The following NPAS3 variants were observed in gnomAD, a reference collection of about 807,000 sequenced individuals.
NPAS3 encodes neuronal PAS domain protein 3.
A neutral mutation model predicts 73.1 loss-of-function variants in NPAS3; 14 were observed. The ratio of observed to expected loss-of-function variants is 0.19; its 90% CI spans 0.13 to 0.30. The LOEUF is 0.30. Ranked by LOEUF, NPAS3 falls within the 10% of genes least tolerant of loss-of-function variation. The probability of loss-of-function intolerance (pLI) is 1.00; values close to 1 mark genes in which losing one functional copy is unlikely to be tolerated. For synonymous variants in NPAS3, 620 were observed against 541.5 expected, an observed-to-expected ratio of 1.14 and a Z score of -2.01; for missense variants, 1,096 against 1,250.0, an observed-to-expected ratio of 0.88 and a Z score of 1.86.
At chr14:33,214,432 C>T (rs2047146431) in intron 2 of NPAS3, 1 of 152,144 alleles carries the variant, frequency 6.6e-6, no homozygotes, top group Admixed American at 6.5e-5. Context: ...AGCGCTTTAT[C>T]TTTCAATATT....
chr14:33,725,639 A>G (rs2061244505), intron 6 of NPAS3, among the ~76,000 whole-genome samples: 1 of 151,942 alleles, frequency 6.6e-6, no homozygotes, highest in Non-Finnish European at 1.5e-5. Context: ...ATCCTTTGCT[A>G]GTCTCCAGCT....
chr14:33,727,144 G>C (rs2061289543), intron 6 of NPAS3, among the ~76,000 whole-genome samples: 2 of 152,082 alleles, frequency 1.3e-5, no homozygotes, highest in Admixed American at 1.3e-4. Context: ...TGGAGATTTG[G>C]CCAGAATGTT....
At chr14:33,769,205 A>AATTATC (rs1056982554) in intron 7 of NPAS3, among the ~76,000 whole-genome samples, 2 of 152,154 alleles carry the variant, frequency 1.3e-5, no homozygotes, top group African/African-American at 4.8e-5. Flanking sequence ...TCTTGGTTTT[A>AATTATC]ATTATCACCT....
chr14:33,490,535 T>C (rs1189963394), intron 4 of NPAS3, among the ~76,000 whole-genome samples: 3 of 152,168 alleles, frequency 2.0e-5, no homozygotes, highest in Non-Finnish European at 4.4e-5. Context: ...TGGTTAGATA[T>C]TCCATATTTC....
At chr14:33,022,006 C>T (rs1223609076) in intron 1 of NPAS3, among the ~76,000 whole-genome samples, 1 of 152,120 alleles carries the variant, frequency 6.6e-6, no homozygotes, top group African/African-American at 2.4e-5. Context: ...TGGCTGAAGT[C>T]GCAGGCTGGA....
At chr14:33,783,312 C>A in intron 9 of NPAS3, among the ~76,000 whole-genome samples, 1 of 152,158 alleles carries the variant, frequency 6.6e-6, no homozygotes, top group East Asian at 1.9e-4. Flanking sequence ...CTGATCTCAG[C>A]CTTTCTTCAG....
intron 4 of NPAS3, among the ~76,000 whole-genome samples, chr14:33,391,114 C>G (rs951217804): frequency 2.8e-5 from 4 of 142,884 alleles, no homozygotes; most frequent in African/African-American, 1.0e-4. Flanking sequence ...TAGTGTAAAA[C>G]AAAAACAAAT....
At chr14:33,372,151 G>A (rs1454000623) in intron 4 of NPAS3, among the ~76,000 whole-genome samples, 1 of 152,164 alleles carries the variant, frequency 6.6e-6, no homozygotes, top group Non-Finnish European at 1.5e-5. Flanking sequence ...ATACCAGTGT[G>A]GAGTTCAGAA....
intron 3 of NPAS3, among the ~76,000 whole-genome samples, chr14:33,230,852 C>A (rs1237182902): frequency 3.3e-5 from 5 of 152,100 alleles, no homozygotes; most frequent in Non-Finnish European, 2.9e-5. Context: ...TATTTTTGCT[C>A]CAGTCAGAAT....
At chr14:33,248,738 C>T (rs888228172) in intron 3 of NPAS3, among the ~76,000 whole-genome samples, 1 of 152,158 alleles carries the variant, frequency 6.6e-6, no homozygotes, top group African/African-American at 2.4e-5. Flanking sequence ...TAGCTTTGAC[C>T]TTCTTCCTCT....
chr14:33,366,751 T>A (rs929962941), intron 3 of NPAS3, among the ~76,000 whole-genome samples: 1 of 152,180 alleles, frequency 6.6e-6, no homozygotes, highest in African/African-American at 2.4e-5. Flanking sequence ...TCCTGTTTGC[T>A]TTTTTCCTAG....
chr14:33,619,866 A>G (rs1300415177), intron 5 of NPAS3, among the ~76,000 whole-genome samples: 1 of 152,160 alleles, frequency 6.6e-6, no homozygotes, highest in Non-Finnish European at 1.5e-5. Context: ...ATCTTATCAC[A>G]TGGTGCCCCA....
At chr14:33,178,363 G>A (rs1283889546) in intron 2 of NPAS3, among the ~76,000 whole-genome samples, 5 of 152,074 alleles carry the variant, frequency 3.3e-5, no homozygotes, top group Admixed American at 2.0e-4. Context: ...ATGAGCCACC[G>A]CACCCGGCCG....
exon 3 of NPAS3, chr14:33,215,302 G>A (rs2047179116): frequency 1.3e-6 from 2 of 1,563,742 alleles, no homozygotes; most frequent in Admixed American, 3.3e-5. Flanking sequence ...TTACCAGCCA[G>A]CTCGACAAGG....
At chr14:33,199,619 T>C (rs2046534863) in intron 2 of NPAS3, among the ~76,000 whole-genome samples, 1 of 152,032 alleles carries the variant, frequency 6.6e-6, no homozygotes, top group Non-Finnish European at 1.5e-5. Flanking sequence ...AATTTATGAA[T>C]GTATCTGTTT....
chr14:33,248,154 A>G (rs1187575789), intron 3 of NPAS3, among the ~76,000 whole-genome samples: 1 of 152,234 alleles, frequency 6.6e-6, no homozygotes, highest in Non-Finnish European at 1.5e-5. Flanking sequence ...AGTGACACTT[A>G]TTAGAACTTA....
chr14:33,594,040 T>C (rs1045834933), intron 5 of NPAS3, among the ~76,000 whole-genome samples: 1 of 152,208 alleles, frequency 6.6e-6, no homozygotes, highest in Non-Finnish European at 1.5e-5. Flanking sequence ...CTTTTATTTC[T>C]GAATGCCATA....
chr14:33,201,646 G>A (rs1179878990), intron 2 of NPAS3, among the ~76,000 whole-genome samples: 1 of 152,240 alleles, frequency 6.6e-6, no homozygotes, highest in Non-Finnish European at 1.5e-5. Flanking sequence ...CAAGGATCAT[G>A]TTGAGCTCTC....
In NPAS3 at chr14:33,712,932, T is replaced by C. The variant is rs115882206; in HGVS notation, c.734-22282T>C. Among the ~76,000 whole-genome samples, 965 of 152,328 alleles carry C rather than the reference T, an allele frequency of 6.3e-3. 15 individuals carry two copies. The highest frequency in any genetic ancestry group is 0.022 in the African/African-American group (930 of 41,562). ...CTAATTACAAACCTGCCATTTATAA[T>C]GTGTCTCCCTCCTCTCATCAACAGG... On this transcript the variant is annotated intron_variant, in intron 6 of 11. Transcript: ENST00000356141.
Sources: gnomAD v4.1 joint callset for allele counts (sites outside exome capture counted in the v4.1 genomes callset) on GRCh38, gnomAD v4.1.1 for gene constraint, MANE v1.5 for transcripts, NCBI Gene and HGNC (gene_info 2026-07-23, HGNC 2026-07-21) for gene names.